RASGRF2: variants seen among roughly 807,000 people sequenced by gnomAD.
RASGRF2 encodes Ras protein specific guanine nucleotide releasing factor 2.
RASGRF2 carries 76 observed loss-of-function variants against 151.0 expected under a neutral mutation model. The observed-to-expected ratio is 0.50, with a 90% confidence interval of 0.42 to 0.61. The LOEUF (loss-of-function observed/expected upper bound fraction) is 0.61, where lower values mean the gene tolerates loss of function less well. Ranked by LOEUF, RASGRF2 falls within the 20% of genes least tolerant of loss-of-function variation. RASGRF2 has a pLI of 0.00. For missense variants in RASGRF2, 1,148 were observed against 1,564.6 expected (o/e 0.73, Z 4.49); for synonymous variants, 504 against 566.5 (o/e 0.89, Z 1.57).
intron 1 of RASGRF2, among the ~76,000 whole-genome samples, chr5:81,011,649 G>T (rs1228964246): frequency 6.6e-6 from 1 of 152,074 alleles, no homozygotes; most frequent in Non-Finnish European, 1.5e-5. Context: ...ACTGAGGCAG[G>T]AGAATTGCTT....
chr5:81,050,446 A>G (rs968529653), intron 2 of RASGRF2, among the ~76,000 whole-genome samples: 1 of 152,112 alleles, frequency 6.6e-6, no homozygotes, highest in African/African-American at 2.4e-5. Flanking sequence ...TTTCACTGAT[A>G]TTTATTGCTT....
chr5:81,193,919 A>T (rs1580395402), intron 18 of RASGRF2, among the ~76,000 whole-genome samples: 1 of 152,226 alleles, frequency 6.6e-6, no homozygotes. Flanking sequence ...TGGGCCTGCC[A>T]CTTGCTAACT....
intron 1 of RASGRF2, among the ~76,000 whole-genome samples, chr5:80,999,363 G>A (rs1749004294): frequency 6.6e-6 from 1 of 152,082 alleles, no homozygotes; most frequent in Non-Finnish European, 1.5e-5. Flanking sequence ...TTTAGAGACA[G>A]GGTCTTGCTC....
At chr5:81,164,399 T>A (rs1754457942) in intron 17 of RASGRF2, among the ~76,000 whole-genome samples, 1 of 151,512 alleles carries the variant, frequency 6.6e-6, no homozygotes, top group Non-Finnish European at 1.5e-5. Flanking sequence ...CTAACCAAAA[T>A]GACACATTCA....
intron 17 of RASGRF2, among the ~76,000 whole-genome samples, chr5:81,161,623 A>G (rs922597294): frequency 5.3e-5 from 8 of 152,314 alleles, no homozygotes; most frequent in Admixed American, 1.3e-4. Flanking sequence ...TACCAGTCAT[A>G]GAGTTTGTAT....
In RASGRF2 at chr5:81,003,449, T is replaced by C. The variant is rs576771853; in HGVS notation, c.289-39428T>C. Among the ~76,000 whole-genome samples the C allele has an allele frequency of 8.9e-4, 136 of 152,206 alleles. 1 individual carries two copies. The highest frequency in any genetic ancestry group is 3.0e-3 in the African/African-American group (123 of 41,504). ...CAGGTTAGCCAGGATGGTCTCGATC[T>C]ACTGACCTCGTGATCTGCCCGCCTT... On this transcript the variant is annotated intron_variant, in intron 1 of 26. Transcript: ENST00000265080.
At chr5:81,003,309 G>A (rs903571040) in intron 1 of RASGRF2, among the ~76,000 whole-genome samples, 6 of 140,974 alleles carry the variant, frequency 4.3e-5, no homozygotes, top group African/African-American at 1.3e-4. Flanking sequence ...TGCAAGCTCC[G>A]CCTCCCGGGT....
Position 81,215,895 on chromosome 5 carries a change from A to G in RASGRF2, c.3374A>G (p.Lys1125Arg). 1 of 1,549,410 alleles carries G rather than the reference A, an allele frequency of 6.5e-7. No individual in the cohort carries two copies. Among genetic ancestry groups the G allele is most frequent in the Non-Finnish European group, 8.6e-7 (1 of 1,157,162 alleles). The change falls in exon 24 of 27, where the codon AAA (lysine) becomes AGA (arginine). Residue 1125 changes from lysine (K) to arginine (R), a missense_variant. Lys to Arg is a conservative substitution (Grantham distance 26, BLOSUM62 2). Transcript: ENST00000265080. ...VSKQTKALMD[K>R]LQKTVSSEGR... is the part of the protein sequence containing the mutation. ...TTTTAGACAAAAGCTCTAATGGACA[A>G]ACTTCAAAAGACTGTTTCCTCTGAA...
At chr5:81,218,120 G>A (rs1755783265) in intron 25 of RASGRF2, among the ~76,000 whole-genome samples, 1 of 152,106 alleles carries the variant, frequency 6.6e-6, no homozygotes, top group South Asian at 2.1e-4. Flanking sequence ...CTGACCTCAA[G>A]TGATCTGCCT....
At chr5:81,044,499 G>T (rs1298486116) in intron 2 of RASGRF2, among the ~76,000 whole-genome samples, 1 of 152,092 alleles carries the variant, frequency 6.6e-6, no homozygotes, top group African/African-American at 2.4e-5. Flanking sequence ...TTCTCTGAAA[G>T]TCTGCCCTCC....
chr5:80,974,657 G>A (rs1240363909), intron 1 of RASGRF2, among the ~76,000 whole-genome samples: 3 of 133,438 alleles, frequency 2.2e-5, no homozygotes, highest in African/African-American at 8.2e-5. Flanking sequence ...CGACAAGCAA[G>A]GAGGTGTCCC....
At position 81,227,671 on chromosome 5, in the gene RASGRF2, A is replaced by C. The variant is rs189617752; in HGVS notation, c.*1901A>C. The C allele has an allele frequency of 6.6e-6, 1 of 152,344 alleles. No individual in the cohort carries two copies. Among genetic ancestry groups the C allele is most frequent in the East Asian group, 1.9e-4 (1 of 5,188 alleles). The allele number at this position is 152,344 out of a possible 1,614,324, so 9.4% of individuals were successfully genotyped here. A position where few individuals can be genotyped will look rare whatever the true frequency, so the allele number is the denominator to read the frequency against. Reference sequence around the variant, plus strand: ...AACACCTCAAGGTCTTGCAGAAGAAAAGTAAAGGTTAGCTTTCATGGCTCA... The same window carrying C: ...AACACCTCAAGGTCTTGCAGAAGAACAGTAAAGGTTAGCTTTCATGGCTCA... On this transcript the variant is annotated 3_prime_UTR_variant, in exon 27 of 27. Coordinates refer to ENST00000265080, the MANE Select transcript of RASGRF2 (RefSeq NM_006909.3).
chr5:80,970,590 T>G (rs1366223557), intron 1 of RASGRF2, among the ~76,000 whole-genome samples: 2 of 152,116 alleles, frequency 1.3e-5, no homozygotes, highest in Non-Finnish European at 2.9e-5. Context: ...TGATACTAAC[T>G]CAGTGTTGTG....
At chr5:81,211,587 G>C (rs1755632256) in intron 22 of RASGRF2, among the ~76,000 whole-genome samples, 1 of 152,232 alleles carries the variant, frequency 6.6e-6, no homozygotes, top group African/African-American at 2.4e-5. Context: ...TGATGGTGTT[G>C]AGGCACTATG....
chr5:81,209,007 A>G (rs1755573820), intron 22 of RASGRF2, among the ~76,000 whole-genome samples: 1 of 152,132 alleles, frequency 6.6e-6, no homozygotes, highest in Admixed American at 6.5e-5. Context: ...TGCTGATCCT[A>G]TTTTTATCAT....
chr5:81,048,886 C>G (rs182997373), intron 2 of RASGRF2, among the ~76,000 whole-genome samples: 1 of 152,184 alleles, frequency 6.6e-6, no homozygotes, highest in African/African-American at 2.4e-5. Flanking sequence ...GAAATTAAAG[C>G]CTTTTCTTGG....
intron 1 of RASGRF2, among the ~76,000 whole-genome samples, chr5:81,019,998 A>G (rs1166781160): frequency 1.3e-5 from 2 of 152,240 alleles, no homozygotes; most frequent in Non-Finnish European, 2.9e-5. Flanking sequence ...TTGTGTTCTC[A>G]TATTGGGTTA....
intron 25 of RASGRF2, among the ~76,000 whole-genome samples, chr5:81,218,432 G>A (rs569854743): frequency 6.6e-6 from 1 of 152,246 alleles, no homozygotes; most frequent in South Asian, 2.1e-4. Context: ...CCAATTATCC[G>A]AGCACCATTT....
intron 18 of RASGRF2, among the ~76,000 whole-genome samples, chr5:81,195,608 T>C (rs1755247532): frequency 6.6e-6 from 1 of 150,412 alleles, no homozygotes; most frequent in African/African-American, 2.5e-5. Context: ...ACAAAGGTAA[T>C]GTAAGGTCTT....
Sources: allele counts gnomAD v4.1 joint callset (sites outside exome capture counted in the v4.1 genomes callset), GRCh38; gene constraint gnomAD v4.1.1; transcripts MANE v1.5; gene names NCBI Gene and HGNC (gene_info 2026-07-23, HGNC 2026-07-21).